Variants in LAIR1 observed in about 807,000 individuals in gnomAD.
LAIR1 encodes the protein leukocyte-associated immunoglobulin-like receptor 1.
A neutral mutation model predicts 32.8 loss-of-function variants in LAIR1; 24 were observed. That is an observed-to-expected ratio of 0.73 (90% CI 0.53 to 1.03). LAIR1 has a LOEUF of 1.03. Among genes scored for constraint, LAIR1 ranks in the 50% least tolerant of loss-of-function variants. The pLI is 0.00. For missense variants in LAIR1, 355 were observed against 347.5 expected, an observed-to-expected ratio of 1.02 and a Z score of -0.17; for synonymous variants, 150 against 140.5, an observed-to-expected ratio of 1.07 and a Z score of -0.48.
chr19:54,366,861 G>A (rs773130600), upstream of LAIR1, among the ~76,000 whole-genome samples: 16 of 152,152 alleles, frequency 1.1e-4, no homozygotes, highest in Non-Finnish European at 1.9e-4. Context: ...GCTCAGATGT[G>A]GGAGCAAAGA....
chr19:54,367,058 C>T (rs1797590733), upstream of LAIR1, among the ~76,000 whole-genome samples: 2 of 152,206 alleles, frequency 1.3e-5, no homozygotes, highest in Admixed American at 1.3e-4. Context: ...TGTACCAAAA[C>T]ATCTCATCTA....
chr19:54,359,192 C>A (rs2081883306), intron 4 of LAIR1, among the ~76,000 whole-genome samples: 1 of 150,534 alleles, frequency 6.6e-6, no homozygotes, highest in Non-Finnish European at 1.5e-5. Flanking sequence ...CAGGCAGTCA[C>A]CGGGTCTAGG....
chr19:54,371,022 A>G (rs922033952), upstream of LAIR1, among the ~76,000 whole-genome samples: 4 of 150,444 alleles, frequency 2.7e-5, no homozygotes, highest in African/African-American at 1.0e-4. Flanking sequence ...CACTGCTGGT[A>G]AATTTCCAAA....
chr19:54,371,912 G>A (rs969403357), upstream of LAIR1, among the ~76,000 whole-genome samples: 20 of 151,530 alleles, frequency 1.3e-4, no homozygotes, highest in Non-Finnish European at 2.5e-4. Context: ...TACGCCATTT[G>A]GGCGGGCTTA....
At chr19:54,370,656 C>T (rs144907037), upstream of LAIR1, 947 of 205,300 alleles carry the variant, frequency 4.6e-3, 27 homozygotes, top group African/African-American at 0.02. Flanking sequence ...GCCGCAGGCA[C>T]GGAAATAAAC....
chr19:54,368,060 C>T (rs974064474), upstream of LAIR1: 1 of 152,074 alleles, frequency 6.6e-6, no homozygotes, highest in African/African-American at 2.4e-5. Flanking sequence ...GCGTGAGCCA[C>T]CGCGCCTGGC....
chr19:54,362,220 G>A lies in LAIR1; in HGVS notation c.71-1011C>T, dbSNP rs543863564. ...GATTTTCAAGCATATGATACATTGT[G>A]ATTAACTCTAGTCATTGTGTTGCAC... On this transcript the variant is annotated intron_variant, in intron 2 of 9. Coordinates refer to ENST00000391742, the MANE Select transcript of LAIR1 (RefSeq NM_002287.6). Among the ~76,000 whole-genome samples, 6 of 152,278 alleles carry A rather than the reference G, an allele frequency of 3.9e-5. No individual in the cohort carries two copies. In the East Asian group the frequency reaches 7.7e-4, roughly 20 times the overall value.
Position 54,364,380 on chromosome 19 carries a change from C to G in LAIR1, c.35-50G>C, listed in dbSNP as rs181940756. On this transcript the variant is annotated intron_variant, in intron 1 of 9. Coordinates refer to ENST00000391742, the MANE Select transcript of LAIR1 (RefSeq NM_002287.6). This position sits in a 1 kb window ranked among gnomAD's most constrained non-coding sequence, Gnocchi z 4.8. ...AAATGCCCAGTGCCCAGTCTCCTTACGGGGCTGCTGTCAAAAGGGGGCTCG... is the reference window on the plus strand; with the variant it reads ...AAATGCCCAGTGCCCAGTCTCCTTAGGGGGCTGCTGTCAAAAGGGGGCTCG... 7 of 1,613,284 alleles carry G rather than the reference C, an allele frequency of 4.3e-6. No homozygotes were observed. Among genetic ancestry groups the G allele is most frequent in the African/African-American group, 2.7e-5 (2 of 74,886 alleles).
At chr19:54,360,864 C>G (rs1057013306) in intron 3 of LAIR1, 52 bp downstream of exon 3, 1 of 1,557,252 alleles carries the variant, frequency 6.4e-7, no homozygotes, top group Non-Finnish European at 8.8e-7. Flanking sequence ...GACCTGGGGA[C>G]AAGCTCGAGG....
chr19:54,361,097 C>T lies in LAIR1; in HGVS notation c.183G>A (p.Glu61=), dbSNP rs938558455. 7 of 1,614,088 alleles carry T rather than the reference C, an allele frequency of 4.3e-6. No homozygotes were observed. Among genetic ancestry groups the T allele is most frequent in the Non-Finnish European group, 5.9e-6 (7 of 1,180,044 alleles). ...GPVGVQTFRL[E]RDSRSTYNDT... The stretch of plus-strand genomic sequence containing the variant: ...CATTGTATGTGGATCTACTGTCCCT[C>T]TCCAGGCGGAATGTTTGAACCCCAA... Residue 61 remains glutamate (E), a synonymous_variant, in exon 3 of 10, where the codon GAG becomes GAA. Coordinates refer to ENST00000391742, the MANE Select transcript of LAIR1 (RefSeq NM_002287.6).
upstream of LAIR1, among the ~76,000 whole-genome samples, chr19:54,373,447 A>C (rs2082454432): frequency 6.6e-6 from 1 of 152,070 alleles, no homozygotes; most frequent in Non-Finnish European, 1.5e-5. Context: ...CCGTCTCAAA[A>C]ATAAATAAAT....
chr19:54,360,635 C>G (rs1384886792), intron 3 of LAIR1: 2 of 518,408 alleles, frequency 3.9e-6, no homozygotes, highest in Non-Finnish European at 6.9e-6. Context: ...GGAACCCACT[C>G]CCCACCCAGC....
Position 54,360,910 on chromosome 19 carries a change from C to T in LAIR1, c.364+6G>A, listed in dbSNP as rs1470897407. 1.9e-6 allele frequency: 3 copies of T among 1,609,226 alleles called. No individual in the cohort carries two copies. In the African/African-American group the frequency reaches 4.0e-5, roughly 21 times the overall value. ...GACTGGGGCAGGGCCCAGGTGACGTCCTCACCTTTCACCAGCAGCTCCAGG... is the reference window on the plus strand; with the variant it reads ...GACTGGGGCAGGGCCCAGGTGACGTTCTCACCTTTCACCAGCAGCTCCAGG... On this transcript the variant is annotated splice_donor_region_variant and intron_variant, in intron 3 of 9. Transcript: ENST00000391742.
upstream of LAIR1, among the ~76,000 whole-genome samples, chr19:54,375,406 C>T (rs111418438): frequency 0.017 from 2,621 of 152,292 alleles, 83 homozygotes; most frequent in African/African-American, 0.059. Flanking sequence ...CAGTCCCAAC[C>T]GTCTTGTGGC....
rs2081732654 is a variant in LAIR1 at position 54,356,710 on chromosome 19, A to G, written c.455-91T>C. 24 of 1,320,570 alleles carry G rather than the reference A, an allele frequency of 1.8e-5. No individual in the cohort carries two copies. In the East Asian group the frequency reaches 5.5e-4, roughly 30 times the overall value. The allele number at this position is 1,320,570 out of a possible 1,614,324, so 81.8% of individuals were successfully genotyped here. A position where few individuals can be genotyped will look rare whatever the true frequency, so the allele number is the denominator to read the frequency against. ...CACGTCACGTGCGTTTCATAGACTT[A>G]CTAATATATAAAATATCTTAGGTAA... is the stretch of plus-strand genomic sequence containing the variant. On this transcript the variant is annotated intron_variant, in intron 5 of 9. Transcript: ENST00000391742.
intron 4 of LAIR1, 53 bp from the exon 5 acceptor site, chr19:54,357,019 G>A: frequency 6.4e-7 from 1 of 1,564,622 alleles, no homozygotes; most frequent in Non-Finnish European, 8.8e-7. Context: ...GCTGGACAGA[G>A]AAGGCTCTGA....
chr19:54,356,247 A>G lies in LAIR1; in HGVS notation c.647T>C (p.Val216Ala). The G allele has an allele frequency of 6.2e-7, 1 of 1,613,380 alleles. No individual in the cohort carries two copies. The highest frequency in any genetic ancestry group is 8.5e-7 in the Non-Finnish European group (1 of 1,179,808). ...CCCTTTACCTGCTGTCCTCTCTAGA[A>G]CATCAACAGCCAGGTCAGGCCTAAG... ...PQQRPDLAVD[V>A]LERTADKATV... The change falls in exon 8 of 10, where the codon GTT becomes GCT. Residue 216 changes from valine to alanine, a missense_variant. Transcript: ENST00000391742.
At position 54,358,895 on chromosome 19, in the gene LAIR1, T is replaced by C. The variant is rs1468136485; in HGVS notation, c.415+1127A>G. On this transcript the variant is annotated intron_variant, in intron 4 of 9. Transcript: ENST00000391742. ...AGCAATCTGGCTGCAGGAGGGTCTG[T>C]CCTCGTGACCTTTATATGTCACTGC... 1.3e-4 allele frequency among the ~76,000 whole-genome samples: 20 copies of C among 151,892 alleles called. No individual in the cohort carries two copies. The South Asian group carries it at 2.5e-3, about 19-fold the overall frequency.
At chr19:54,360,719 C>T (rs148677823) in intron 3 of LAIR1, 197 bp downstream of exon 3, 589,554 of 596,962 alleles carry the variant, frequency 0.99, 291,320 homozygotes, top group Admixed American at 1. Context: ...CCAGAGGAGA[C>T]CAGGGCTCCA....
Sources: allele counts gnomAD v4.1 joint callset (sites outside exome capture counted in the v4.1 genomes callset), GRCh38; gene constraint gnomAD v4.1.1; non-coding constraint Gnocchi (gnomAD v3.1); transcripts MANE v1.5; gene names NCBI Gene and HGNC (gene_info 2026-07-23, HGNC 2026-07-21).